The following NSD1 variants were observed in gnomAD, a reference collection of about 807,000 sequenced individuals.
The protein encoded by NSD1 is nuclear receptor binding SET domain protein 1, also known as histone-lysine N-methyltransferase, H3 lysine-36 specific.
A neutral mutation model predicts 242.7 loss-of-function variants in NSD1; 26 were observed. The observed-to-expected ratio is 0.11, with a 90% CI of 0.08 to 0.15. The LOEUF (loss-of-function observed/expected upper bound fraction) is 0.15. Among genes scored for constraint, NSD1 ranks in the 10% least tolerant of loss-of-function variants. The probability of loss-of-function intolerance (pLI) is 1.00; values close to 1 mark genes in which losing one functional copy is unlikely to be tolerated. For missense variants in NSD1, 2,495 were observed against 3,272.8 expected (o/e 0.76, Z 5.80); for synonymous variants, 1,106 against 1,178.1 (o/e 0.94, Z 1.25).
rs903012657 is a variant in NSD1 at position 177,164,377 on chromosome 5, T to G, written c.928-27507T>G. Among the ~76,000 whole-genome samples, 5 of 151,700 alleles carry G rather than the reference T, an allele frequency of 3.3e-5. No homozygotes were observed. In the South Asian group the frequency reaches 8.3e-4, roughly 25 times the overall value. On this transcript the variant is annotated intron_variant, in intron 2 of 22. Transcript: ENST00000439151. ...TCACCATGTTGGCCAGGCTGGTCTT[T>G]AACTCCTGACCTCAGGTGATCCGCC...
rs1020532948 is a variant in NSD1, at chr5:177,191,903, C to A, written c.947C>A (p.Ser316Tyr). 2 of 1,613,982 alleles carry A rather than the reference C, an allele frequency of 1.2e-6. No individual in the cohort carries two copies. The highest frequency in any genetic ancestry group is 1.7e-6 in the Non-Finnish European group (2 of 1,180,002). The change falls in exon 3 of 23, where the codon TCT (serine) becomes TAT (tyrosine). Residue 316 changes from serine (S) to tyrosine (Y), a missense_variant. Ser to Tyr is a moderately radical substitution (Grantham distance 144). Coordinates refer to ENST00000439151, the MANE Select transcript of NSD1 (RefSeq NM_022455.5). ...ELPFCQPKKK[S>Y]TPLKYEVGDL... ...CTAAAGTGTCAACCTAAGAAAAAGTCTACGCCACTGAAGTATGAAGTTGGA... is the reference window on the plus strand; with the variant it reads ...CTAAAGTGTCAACCTAAGAAAAAGTATACGCCACTGAAGTATGAAGTTGGA...
rs552116740 is a variant in NSD1, at chr5:177,261,376, C to T, written c.5146+1208C>T. Among the ~76,000 whole-genome samples the T allele has an allele frequency of 7.2e-5, 11 of 151,802 alleles. No individual in the cohort carries two copies. The South Asian group carries it at 2.1e-3, about 29-fold the overall frequency. On this transcript the variant is annotated intron_variant, in intron 14 of 22. Coordinates refer to ENST00000439151, the MANE Select transcript of NSD1 (RefSeq NM_022455.5). ...GATTACAGACGTGAGCCAGTGTGCC[C>T]GGCCATTTTATTCATTTTTAAAATA...
intron 2 of NSD1, among the ~76,000 whole-genome samples, chr5:177,150,904 C>A (rs1757648401): frequency 1.3e-5 from 2 of 152,114 alleles, no homozygotes; most frequent in Admixed American, 1.3e-4. Context: ...ACTAATTTGT[C>A]ATTGGAATTT....
intron 2 of NSD1, among the ~76,000 whole-genome samples, chr5:177,166,199 C>T (rs904792991): frequency 6.6e-6 from 1 of 151,926 alleles, no homozygotes; most frequent in African/African-American, 2.4e-5. Flanking sequence ...AGGCATGAGC[C>T]ACCGCGCCTG....
At chr5:177,266,580 G>T in intron 14 of NSD1, 1 of 678,020 alleles carries the variant, frequency 1.5e-6, no homozygotes. Context: ...CGACCTCGGC[G>T]GCCGCCATCT....
chr5:177,263,425 G>A (rs1757146565), intron 14 of NSD1, among the ~76,000 whole-genome samples: 1 of 152,148 alleles, frequency 6.6e-6, no homozygotes, highest in African/African-American at 2.4e-5. Context: ...TAAAACTGCT[G>A]CCACCTTAGT....
intron 16 of NSD1, among the ~76,000 whole-genome samples, chr5:177,272,614 G>A (rs1758030474): frequency 6.6e-6 from 1 of 152,178 alleles, no homozygotes. Flanking sequence ...CAGGGGCCGG[G>A]CACAGTGACT....
intron 3 of NSD1, among the ~76,000 whole-genome samples, chr5:177,200,309 A>G (rs559049764): frequency 5.5e-4 from 83 of 151,940 alleles, no homozygotes; most frequent in African/African-American, 1.9e-3. Flanking sequence ...GGATTTCACC[A>G]TGTTGGCCAG....
intron 12 of NSD1, among the ~76,000 whole-genome samples, chr5:177,252,569 T>TTTTAA (rs1205352797): frequency 1.1e-5 from 1 of 93,590 alleles, no homozygotes; most frequent in African/African-American, 3.7e-5. Flanking sequence ...TTTTTTTTTT[T>TTTTAA]AATAAGAGAT....
Position 177,282,158 on chromosome 5 carries a change from A to G in NSD1, c.5893-307A>G, listed in dbSNP as rs183131929. On this transcript the variant is annotated intron_variant, in intron 18 of 22. Coordinates refer to ENST00000439151, the MANE Select transcript of NSD1 (RefSeq NM_022455.5). ...GAAGCCAATTCTCGGGCTCTGGGGC[A>G]GGTAGAGATTGGCCATCCATCTCTC... is the stretch of plus-strand genomic sequence containing the variant. Among the ~76,000 whole-genome samples, 14 of 152,318 alleles carry G rather than the reference A, an allele frequency of 9.2e-5. No homozygotes were observed. The East Asian group carries it at 2.7e-3, about 29-fold the overall frequency.
intron 19 of NSD1, 77 bp downstream of exon 19, chr5:177,282,658 A>G (rs1581532686): frequency 2.7e-6 from 3 of 1,093,056 alleles, no homozygotes; most frequent in East Asian, 2.4e-5. Flanking sequence ...ATTTGTAGGC[A>G]TGTAACGCAG....
intron 14 of NSD1, among the ~76,000 whole-genome samples, chr5:177,263,850 G>T (rs1419633279): frequency 1.3e-5 from 2 of 152,000 alleles, no homozygotes; most frequent in African/African-American, 4.8e-5. Context: ...AAATAATGGC[G>T]AATGATAAAA....
chr5:177,288,999 A>T, intron 21 of NSD1, 74 bp downstream of exon 21: 1 of 1,023,476 alleles, frequency 9.8e-7, no homozygotes, highest in Non-Finnish European at 1.6e-6. Context: ...AGGGCAGTCT[A>T]CATTTTAAGA....
chr5:177,295,238 C>A lies in NSD1; in HGVS notation c.7870C>A (p.Pro2624Thr), dbSNP rs1286859534. Residue 2624 changes from proline (P) to threonine (T), a missense_variant, in exon 23 of 23, where the codon CCC becomes ACC. By Grantham distance (38) the Pro-to-Thr change is conservative. Coordinates refer to ENST00000439151, the MANE Select transcript of NSD1 (RefSeq NM_022455.5). This position sits in a 1 kb window ranked among gnomAD's most constrained non-coding sequence, Gnocchi z 4.3. ...EKKLVTTEQS[P>T]WALGKASSRA... Reference sequence around the variant, plus strand: ...GAAGTTGGTAACCACAGAGCAAAGTCCCTGGGCCCTGGGAAAAGCCTCATC... The same window carrying A: ...GAAGTTGGTAACCACAGAGCAAAGTACCTGGGCCCTGGGAAAAGCCTCATC... 6.2e-7 allele frequency: 1 copy of A among 1,614,254 alleles called. No individual in the cohort carries two copies. Among genetic ancestry groups the A allele is most frequent in the Admixed American group, 1.7e-5 (1 of 60,028 alleles).
In NSD1 at chr5:177,294,671, A is replaced by G. The variant is rs1235663921; in HGVS notation, c.7303A>G (p.Lys2435Glu). 1 of 1,614,220 alleles carries G rather than the reference A, an allele frequency of 6.2e-7. No individual in the cohort carries two copies. Among genetic ancestry groups the G allele is most frequent in the South Asian group, 1.1e-5 (1 of 91,090 alleles). ...LSAVVQTLVA[K>E]EKALRPVDQN... ...AGCTGTGGTCCAGACCCTTGTAGCT[A>G]AAGAAAAAGCACTGAGGCCTGTGGA... The change falls in exon 23 of 23, where the codon AAA becomes GAA. Residue 2435 changes from lysine to glutamate, a missense_variant. Transcript: ENST00000439151.
rs189862381 is a variant in NSD1 at position 177,297,367 on chromosome 5, A to G, written c.*1908A>G. On this transcript the variant is annotated 3_prime_UTR_variant, in exon 23 of 23. Coordinates refer to ENST00000439151, the MANE Select transcript of NSD1 (RefSeq NM_022455.5). Reference sequence around the variant, plus strand: ...TTTTCTTTTAAAAGAATTTTAAACCATGAAAAAGATATTTTTAAAGAAATT... The same window carrying G: ...TTTTCTTTTAAAAGAATTTTAAACCGTGAAAAAGATATTTTTAAAGAAATT... 42 of 229,988 alleles carry G rather than the reference A, an allele frequency of 1.8e-4. No individual in the cohort carries two copies. Among genetic ancestry groups the G allele is most frequent in the Admixed American group, 6.8e-4 (12 of 17,638 alleles). 14.2% of individuals were successfully genotyped at this position (229,988 alleles called of 1,614,324 possible).
chr5:177,250,248 A>G (rs1470869388), intron 11 of NSD1, among the ~76,000 whole-genome samples: 2 of 152,202 alleles, frequency 1.3e-5, no homozygotes, highest in Non-Finnish European at 2.9e-5. Context: ...AATCCTCAAA[A>G]ACAGTTATGC....
chr5:177,256,726 C>T (rs554469821), intron 12 of NSD1, among the ~76,000 whole-genome samples: 29 of 152,218 alleles, frequency 1.9e-4, no homozygotes, highest in East Asian at 5.8e-4. Context: ...GGGGTGCCAG[C>T]GGCAAGCATT....
At chr5:177,213,218 AT>A (rs1355655414) in intron 5 of NSD1, among the ~76,000 whole-genome samples, 6 of 152,254 alleles carry the variant, frequency 3.9e-5, no homozygotes, top group African/African-American at 4.8e-5. Context: ...GTATATACAT[AT>A]TTTTTTCTTT....
Sources: allele counts gnomAD v4.1 joint callset (sites outside exome capture counted in the v4.1 genomes callset), GRCh38; gene constraint gnomAD v4.1.1; non-coding constraint Gnocchi (gnomAD v3.1); transcripts MANE v1.5; gene names NCBI Gene and HGNC (gene_info 2026-07-23, HGNC 2026-07-21).